Variants in ZNF550 observed in about 807,000 individuals in gnomAD.
ZNF550 encodes zinc finger protein 550.
In ZNF550, 42 loss-of-function variants were observed where a neutral mutation model predicts 40.2. That is an observed-to-expected ratio of 1.05 (90% CI 0.82 to 1.35). ZNF550 has a LOEUF of 1.35. Ranked by LOEUF, ZNF550 falls within the 40% of genes most tolerant of loss-of-function variation. The probability of loss-of-function intolerance (pLI) is 0.00; values close to 1 mark genes in which losing one functional copy is unlikely to be tolerated. For missense variants in ZNF550, 549 were observed against 525.2 expected (o/e 1.05, Z -0.44); for synonymous variants, 223 against 198.6 (o/e 1.12, Z -1.03).
intron 2 of ZNF550, chr19:57,553,013 A>C (rs2090087156): frequency 3.5e-6 from 1 of 284,374 alleles, no homozygotes; most frequent in African/African-American, 2.2e-5. Flanking sequence ...TTAATCTGAT[A>C]AAATTATGGC....
chr19:57,541,996 C>T (rs1273480069), exon 5 of ZNF550: 1 of 151,744 alleles, frequency 6.6e-6, no homozygotes, highest in Admixed American at 6.6e-5. Flanking sequence ...GTATTAATCA[C>T]CAATAAAGTA....
chr19:57,547,264 C>G (rs2090022551), exon 4 of ZNF550: 1 of 1,613,896 alleles, frequency 6.2e-7, no homozygotes, highest in Non-Finnish European at 8.5e-7. Context: ...TAGGTGGGCT[C>G]TATTGCTAAA....
chr19:57,555,740 C>A, intron 2 of ZNF550: 1 of 191,658 alleles, frequency 5.2e-6, no homozygotes, highest in South Asian at 9.0e-5. Flanking sequence ...TCCTGTGTAC[C>A]CTCTAAAAAC....
intron 3 of ZNF550, among the ~76,000 whole-genome samples, chr19:57,549,242 T>C (rs1026691986): frequency 2.6e-5 from 4 of 152,192 alleles, no homozygotes; most frequent in African/African-American, 9.7e-5. Flanking sequence ...GATGTGATTA[T>C]TATGCATTGT....
At chr19:57,543,545 C>A in intron 4 of ZNF550, 1 of 926,752 alleles carries the variant, frequency 1.1e-6, no homozygotes, top group Non-Finnish European at 1.3e-6. Context: ...CCCACCCCCA[C>A]AATCATTTCT....
At chr19:57,549,638 TGAG>T (rs1378446964) in intron 3 of ZNF550, among the ~76,000 whole-genome samples, 1 of 151,500 alleles carries the variant, frequency 6.6e-6, no homozygotes, top group Non-Finnish European at 1.5e-5. Flanking sequence ...GGGTTGAAGG[TGAG>T]GAAGTAAAAA....
rs1281607713 is a variant in ZNF550, at chr19:57,552,510, A to C, written c.250+117T>G. 1.6e-5 allele frequency: 12 copies of C among 767,858 alleles called. No individual in the cohort carries two copies. In the South Asian group the frequency reaches 2.0e-4, roughly 13 times the overall value. The allele number at this position is 767,858 out of a possible 1,614,324, so 47.6% of individuals were successfully genotyped here. Reference sequence around the variant, plus strand: ...CTATGACCCAAAGTGAGTCAGAAACAACCAGGCCCCCGGAAAGCCACAATG... The same window carrying C: ...CTATGACCCAAAGTGAGTCAGAAACCACCAGGCCCCCGGAAAGCCACAATG... On this transcript the variant is annotated intron_variant, in intron 3 of 4. Transcript: ENST00000457177.
At chr19:57,544,980 G>C (rs547826348) in intron 4 of ZNF550, among the ~76,000 whole-genome samples, 1 of 152,082 alleles carries the variant, frequency 6.6e-6, no homozygotes, top group Non-Finnish European at 1.5e-5. Flanking sequence ...AAATTAGCTG[G>C]GCATGGTAGT....
intron 2 of ZNF550, chr19:57,555,769 G>A (rs2090114888): frequency 4.7e-6 from 1 of 212,744 alleles, no homozygotes. Context: ...GATCAACAGA[G>A]CATGGATATC....
exon 1 of ZNF550, chr19:57,559,677 C>G: frequency 6.6e-7 from 1 of 1,505,004 alleles, no homozygotes; most frequent in Non-Finnish European, 8.9e-7. Context: ...CCTTCGTCTC[C>G]GCCATCCGAC....
intron 4 of ZNF550, among the ~76,000 whole-genome samples, chr19:57,545,076 C>T (rs997590787): frequency 5.3e-5 from 8 of 152,270 alleles, no homozygotes; most frequent in Non-Finnish European, 1.0e-4. Context: ...GAGCCAAGAT[C>T]GCACTCCTGC....
At chr19:57,542,065 A>AT (rs1490266765) in exon 5 of ZNF550, 2 of 152,148 alleles carry the variant, frequency 1.3e-5, no homozygotes, top group African/African-American at 2.4e-5. Context: ...ACAGGCCAAC[A>AT]TATGAGTAGA....
intron 1 of ZNF550, among the ~76,000 whole-genome samples, chr19:57,558,013 T>C (rs2090137618): frequency 6.6e-6 from 1 of 152,216 alleles, no homozygotes. Flanking sequence ...GAGGTAAATG[T>C]CGTTATCACT....
At chr19:57,545,236 A>G (rs1196789049) in intron 4 of ZNF550, among the ~76,000 whole-genome samples, 2 of 152,228 alleles carry the variant, frequency 1.3e-5, no homozygotes, top group African/African-American at 4.8e-5. Flanking sequence ...TTCACCTGTT[A>G]AAATGCTAGG....
chr19:57,543,083 T>C lies in ZNF550; in HGVS notation c.*679A>G, dbSNP rs147209758. On this transcript the variant is annotated 3_prime_UTR_variant, in exon 5 of 5. Coordinates refer to ENST00000457177, the Ensembl canonical transcript of ZNF550. ...AAACTATTAATTCCCTACACTCTTC[T>C]GATCACTCTGTTGTTCACATTCATT... The C allele has an allele frequency of 1.7e-3, 410 of 237,882 alleles. 2 individuals carry two copies. The highest frequency in any genetic ancestry group is 1.9e-3 in the Non-Finnish European group (283 of 146,418). The allele number at this position is 237,882 out of a possible 1,614,324, so 14.7% of individuals were successfully genotyped here. A position where few individuals can be genotyped will look rare whatever the true frequency, so the allele number is the denominator to read the frequency against.
exon 3 of ZNF550, chr19:57,552,685 T>A: frequency 6.3e-7 from 1 of 1,598,472 alleles, no homozygotes; most frequent in South Asian, 1.1e-5. Flanking sequence ...GCCCATGCTC[T>A]AGCAGGTGGA....
At chr19:57,559,813 G>A (rs2090155829) in exon 1 of ZNF550, 11 of 780,186 alleles carry the variant, frequency 1.4e-5, no homozygotes, top group Middle Eastern at 4.2e-4. Flanking sequence ...CTGAGAGCGC[G>A]GACCAACACG....
At chr19:57,547,037 C>T (rs761476303) in exon 4 of ZNF550, 19 of 1,613,622 alleles carry the variant, frequency 1.2e-5, no homozygotes, top group Middle Eastern at 1.6e-4. Context: ...TTCCCACACT[C>T]GATACACTTG....
chr19:57,560,303 C>T (rs143992037), upstream of ZNF550, among the ~76,000 whole-genome samples: 9 of 152,326 alleles, frequency 5.9e-5, no homozygotes, highest in East Asian at 1.7e-3. Flanking sequence ...CGCGTGGAGC[C>T]ATTCCCGGGA....
Sources: gnomAD v4.1 joint callset for allele counts (sites outside exome capture counted in the v4.1 genomes callset) on GRCh38, gnomAD v4.1.1 for gene constraint, MANE v1.5 for transcripts, NCBI Gene and HGNC (gene_info 2026-07-23, HGNC 2026-07-21) for gene names.